Variants in GRAMD1B observed in about 807,000 individuals in gnomAD.
GRAMD1B encodes GRAM domain containing 1B, also known as protein Aster-B.
Under a neutral mutation model 99.7 loss-of-function variants are expected in GRAMD1B, and 37 were observed. That is an observed-to-expected ratio of 0.37 (90% confidence interval 0.29 to 0.49). The LOEUF is 0.49. Among genes scored for constraint, GRAMD1B ranks in the 20% least tolerant of loss-of-function variants. The pLI is 0.98. For synonymous variants in GRAMD1B, 427 were observed against 387.6 expected, an observed-to-expected ratio of 1.10 and a Z score of -1.19; for missense variants, 888 against 1,009.2, an observed-to-expected ratio of 0.88 and a Z score of 1.63.
intron 2 of GRAMD1B, among the ~76,000 whole-genome samples, chr11:123,543,675 G>T (rs1011855735): frequency 1.3e-5 from 2 of 152,204 alleles, no homozygotes; most frequent in African/African-American, 4.8e-5. Context: ...TAAAATACTT[G>T]CATTCCTAAG....
chr11:123,580,089 G>T (rs904928726), intron 3 of GRAMD1B, among the ~76,000 whole-genome samples: 1 of 152,106 alleles, frequency 6.6e-6, no homozygotes, highest in Non-Finnish European at 1.5e-5. Context: ...CATTGCCATC[G>T]ACACTTGCCC....
intron 2 of GRAMD1B, among the ~76,000 whole-genome samples, chr11:123,494,013 C>T (rs925846578): frequency 6.6e-6 from 1 of 152,164 alleles, no homozygotes; most frequent in African/African-American, 2.4e-5. Flanking sequence ...GCATTAATCA[C>T]ATTATAATTG....
intron 2 of GRAMD1B, among the ~76,000 whole-genome samples, chr11:123,518,284 G>A (rs926474415): frequency 2.0e-5 from 3 of 152,296 alleles, no homozygotes; most frequent in South Asian, 2.1e-4. Flanking sequence ...TTCAGGAAGC[G>A]GGAGGAAGAT....
intron 2 of GRAMD1B, among the ~76,000 whole-genome samples, chr11:123,561,328 T>A (rs1592009691): frequency 1.3e-5 from 2 of 152,130 alleles, no homozygotes. Flanking sequence ...CAGGAAGATA[T>A]GGACAGACAC....
At chr11:123,584,355 T>C in intron 4 of GRAMD1B, 23 bp downstream of exon 4, 2 of 380,664 alleles carry the variant, frequency 5.3e-6, no homozygotes, top group Non-Finnish European at 6.8e-6. Context: ...GTTTCCCTTC[T>C]TGTTGGGTAC....
rs537766386 is a variant in GRAMD1B at position 123,510,488 on chromosome 11, C to T, written c.452+29595C>T. Among the ~76,000 whole-genome samples, 2 of 152,148 alleles carry T rather than the reference C, an allele frequency of 1.3e-5. No homozygotes were observed. The highest frequency in any genetic ancestry group is 6.5e-5 in the Admixed American group (1 of 15,286). On this transcript the variant is annotated intron_variant, in intron 2 of 19. Transcript: ENST00000635736. This position sits in a 1 kb window ranked among gnomAD's most constrained non-coding sequence, Gnocchi z 4.3. ...CAGGGCCCCCCTGCTTGCTGTGGAC[C>T]TCCAGACTCTGACCTCTTACCCAGA... is the stretch of plus-strand genomic sequence containing the variant.
chr11:123,394,553 C>T (rs1266364582), intron 1 of GRAMD1B, among the ~76,000 whole-genome samples: 1 of 144,108 alleles, frequency 6.9e-6, no homozygotes, highest in Non-Finnish European at 1.5e-5. Context: ...TCTCCCATCT[C>T]TCTTCTCTTC....
At chr11:123,570,421 C>CTTTTTT (rs755038860) in intron 2 of GRAMD1B, among the ~76,000 whole-genome samples, 56 of 130,558 alleles carry the variant, frequency 4.3e-4, no homozygotes, top group Non-Finnish European at 4.8e-4. Flanking sequence ...TTTTTCTTTT[C>CTTTTTT]TTTTTTTTTT....
chr11:123,442,622 T>C (rs1464753130), intron 1 of GRAMD1B, among the ~76,000 whole-genome samples: 1 of 152,052 alleles, frequency 6.6e-6, no homozygotes, highest in Non-Finnish European at 1.5e-5. Flanking sequence ...ATACAAAAAT[T>C]AGCCAAGTGT....
At chr11:123,503,373 TTGCATTGGCACCAAG>T (rs1399787300) in intron 2 of GRAMD1B, among the ~76,000 whole-genome samples, 3 of 152,146 alleles carry the variant, frequency 2.0e-5, no homozygotes, top group Non-Finnish European at 2.9e-5. Flanking sequence ...AGAGCTAGCT[TTGCATTGGCACCAAG>T]TGCAGACGGC....
intron 1 of GRAMD1B, among the ~76,000 whole-genome samples, chr11:123,440,902 T>C (rs1949375400): frequency 6.6e-6 from 1 of 152,194 alleles, no homozygotes; most frequent in Non-Finnish European, 1.5e-5. Context: ...AAGTTTTTCC[T>C]GTGCTGTTCT....
In GRAMD1B at chr11:123,447,470, G is replaced by A. The variant is rs1398928796; in HGVS notation, c.374+16304G>A. On this transcript the variant is annotated intron_variant, in intron 1 of 19. Transcript: ENST00000635736. ...GTATCTTCAGGCAGTGAGTCATGAC[G>A]CTCAGGCTGGGCCCCTCCATCTGTG... Among the ~76,000 whole-genome samples, 4 of 152,166 alleles carry A rather than the reference G, an allele frequency of 2.6e-5. No individual in the cohort carries two copies. In the East Asian group the frequency reaches 5.8e-4, roughly 22 times the overall value.
At chr11:123,500,992 G>A (rs1939796039) in intron 2 of GRAMD1B, among the ~76,000 whole-genome samples, 1 of 151,868 alleles carries the variant, frequency 6.6e-6, no homozygotes, top group South Asian at 2.1e-4. Context: ...CATTTTGAGG[G>A]CATATTGCGT....
chr11:123,524,170 C>A (rs1942462229), intron 2 of GRAMD1B, among the ~76,000 whole-genome samples: 1 of 152,052 alleles, frequency 6.6e-6, no homozygotes, highest in Non-Finnish European at 1.5e-5. Context: ...AATCCCCAAG[C>A]CCTCCTCCTC....
chr11:123,561,984 G>A (rs1022021195), intron 2 of GRAMD1B, among the ~76,000 whole-genome samples: 2 of 152,154 alleles, frequency 1.3e-5, no homozygotes, highest in African/African-American at 4.8e-5. Context: ...GGTTACCTCT[G>A]TAGGCATTTA....
chr11:123,613,278 G>C, intron 15 of GRAMD1B, 177 bp from the exon 16 acceptor site: 2 of 599,732 alleles, frequency 3.3e-6, no homozygotes, highest in South Asian at 4.2e-5. Context: ...CAACCCCAGA[G>C]GAAGGGTTTG....
intron 2 of GRAMD1B, among the ~76,000 whole-genome samples, chr11:123,562,520 CTTTA>C (rs2136025084): frequency 6.6e-6 from 1 of 152,310 alleles, no homozygotes; most frequent in South Asian, 2.1e-4. Flanking sequence ...CCCAATAAAA[CTTTA>C]TTTATGGACT....
At chr11:123,472,505 T>G (rs1310082035) in intron 1 of GRAMD1B, among the ~76,000 whole-genome samples, 1 of 152,002 alleles carries the variant, frequency 6.6e-6, no homozygotes, top group Non-Finnish European at 1.5e-5. Flanking sequence ...CCAAGAAAAT[T>G]AAGGACACAG....
chr11:123,542,986 TA>T (rs1944697491), intron 2 of GRAMD1B, among the ~76,000 whole-genome samples: 2 of 141,872 alleles, frequency 1.4e-5, no homozygotes, highest in South Asian at 4.8e-4. Context: ...TTTTTTTTTT[TA>T]AATTGAAACA....
Sources: gnomAD v4.1 joint callset for allele counts (sites outside exome capture counted in the v4.1 genomes callset) on GRCh38, gnomAD v4.1.1 for gene constraint, Gnocchi (gnomAD v3.1) non-coding constraint, MANE v1.5 for transcripts, NCBI Gene and HGNC (gene_info 2026-07-23, HGNC 2026-07-21) for gene names.